FAM114A1: variants seen among roughly 807,000 people sequenced by gnomAD.
FAM114A1 encodes the protein protein NOXP20.
A neutral mutation model predicts 64.3 loss-of-function variants in FAM114A1; 62 were observed. The observed-to-expected ratio is 0.96, with a 90% CI of 0.79 to 1.19. The LOEUF is 1.19. Among genes scored for constraint, FAM114A1 ranks in the 50% most tolerant of loss-of-function variants. The pLI is 0.00. For synonymous variants in FAM114A1, 254 were observed against 251.1 expected, an observed-to-expected ratio of 1.01 and a Z score of -0.11; for missense variants, 645 against 676.3, an observed-to-expected ratio of 0.95 and a Z score of 0.51.
intron 3 of FAM114A1, among the ~76,000 whole-genome samples, chr4:38,885,441 A>C (rs1715706993): frequency 6.6e-6 from 1 of 151,016 alleles, no homozygotes; most frequent in African/African-American, 2.4e-5. Flanking sequence ...ACGCCTGGCT[A>C]ATTTTTTAAT....
Position 38,891,683 on chromosome 4 carries a change from T to G in FAM114A1, c.349-60T>G, listed in dbSNP as rs956136804. 4 of 1,405,008 alleles carry G rather than the reference T, an allele frequency of 2.8e-6. No homozygotes were observed. In the African/African-American group the frequency reaches 4.3e-5, roughly 15 times the overall value. 87.0% of individuals were successfully genotyped at this position (1,405,008 alleles called of 1,614,324 possible). A position where few individuals can be genotyped will look rare whatever the true frequency, so the allele number is the denominator to read the frequency against. The stretch of plus-strand genomic sequence containing the variant: ...CTCCTCTTTGTTTCAAACCAATAGG[T>G]GTTTTTCCATTCAGAGATATACTGA... On this transcript the variant is annotated intron_variant, in intron 3 of 14. Transcript: ENST00000358869.
intron 3 of FAM114A1, among the ~76,000 whole-genome samples, chr4:38,888,531 A>G (rs1477419053): frequency 1.3e-5 from 2 of 152,186 alleles, no homozygotes; most frequent in African/African-American, 2.4e-5. Flanking sequence ...CCTAAAAAGA[A>G]AAAAGAACTG....
chr4:38,870,624 C>A (rs1371595797), intron 2 of FAM114A1, among the ~76,000 whole-genome samples: 1 of 152,162 alleles, frequency 6.6e-6, no homozygotes, highest in Non-Finnish European at 1.5e-5. Flanking sequence ...CTGAAGCAGC[C>A]TCCTTGTTTC....
chr4:38,899,026 TA>T (rs1425135314), intron 4 of FAM114A1, among the ~76,000 whole-genome samples: 2 of 101,098 alleles, frequency 2.0e-5, no homozygotes, highest in Non-Finnish European at 4.3e-5. Context: ...ATATATATGT[TA>T]TATATATATA....
chr4:38,876,257 C>T lies in FAM114A1; in HGVS notation c.-8-1814C>T, dbSNP rs192293423. Among the ~76,000 whole-genome samples, 908 of 150,930 alleles carry T rather than the reference C, an allele frequency of 6.0e-3. 9 individuals carry two copies. The highest frequency in any genetic ancestry group is 0.021 in the African/African-American group (864 of 40,958). Reference sequence around the variant, plus strand: ...CGATCTCAGCTCACTGCAACCTCCACCCCCCAGGTTCAAGCAATTATTGTG... The same window carrying T: ...CGATCTCAGCTCACTGCAACCTCCATCCCCCAGGTTCAAGCAATTATTGTG... On this transcript the variant is annotated intron_variant, in intron 2 of 14. Transcript: ENST00000358869.
intron 14 of FAM114A1, among the ~76,000 whole-genome samples, chr4:38,942,653 C>A (rs1052679258): frequency 1.4e-4 from 21 of 152,170 alleles, no homozygotes; most frequent in Admixed American, 1.1e-3. Flanking sequence ...ATAATAATTT[C>A]AGCTATCCCA....
chr4:38,931,642 A>G, intron 11 of FAM114A1, 30 bp downstream of exon 11: 2 of 1,572,616 alleles, frequency 1.3e-6, no homozygotes, highest in Non-Finnish European at 1.7e-6. Flanking sequence ...TCTGCCTACA[A>G]GGTAATAAGA....
chr4:38,868,104 C>A, intron 1 of FAM114A1: 1 of 310,566 alleles, frequency 3.2e-6, no homozygotes. Context: ...CGCTCATGCA[C>A]ACACCCACAC....
rs763867592 is a variant in FAM114A1 at position 38,932,188 on chromosome 4, A to T, written c.1324-47A>T. On this transcript the variant is annotated intron_variant, in intron 11 of 14. Transcript: ENST00000358869. ...TAATGTCACAGCATTTTTTTAAAAA[A>T]GCATCTGCTCAGTAAAAAATTTCTT... 7 of 1,550,202 alleles carry T rather than the reference A, an allele frequency of 4.5e-6. No individual in the cohort carries two copies. In the South Asian group the frequency reaches 8.6e-5, roughly 19 times the overall value.
At chr4:38,868,021 G>T in intron 1 of FAM114A1, 187 bp downstream of exon 1, 1 of 422,340 alleles carries the variant, frequency 2.4e-6, no homozygotes, top group Non-Finnish European at 4.8e-6. Context: ...GGTCTGGGGC[G>T]GCGCGGCCGA....
chr4:38,933,127 C>T (rs1316973260), intron 12 of FAM114A1, among the ~76,000 whole-genome samples: 1 of 152,168 alleles, frequency 6.6e-6, no homozygotes, highest in Non-Finnish European at 1.5e-5. Flanking sequence ...GCTGGGATTA[C>T]AGTCGTGAGC....
intron 13 of FAM114A1, among the ~76,000 whole-genome samples, chr4:38,936,700 A>G (rs1721137391): frequency 6.6e-6 from 1 of 151,818 alleles, no homozygotes; most frequent in Admixed American, 6.6e-5. Context: ...TTACAGGCAC[A>G]CGCCACCACG....
chr4:38,945,387 A>G lies in FAM114A1; in HGVS notation c.*1830A>G, dbSNP rs1354307100. On this transcript the variant is annotated 3_prime_UTR_variant, in exon 15 of 15. Coordinates refer to ENST00000358869, the MANE Select transcript of FAM114A1 (RefSeq NM_138389.4). ...AGCTCCACGCCTTCATTGCAGCTGC[A>G]TGTTCGATACAATACACCTGCTTCA... 1 of 152,230 alleles carries G rather than the reference A, an allele frequency of 6.6e-6. No individual in the cohort carries two copies. The highest frequency in any genetic ancestry group is 1.9e-4 in the East Asian group (1 of 5,204). 9.4% of individuals were successfully genotyped at this position (152,230 alleles called of 1,614,324 possible).
chr4:38,943,883 A>G lies in FAM114A1; in HGVS notation c.*326A>G, dbSNP rs1284575418. On this transcript the variant is annotated 3_prime_UTR_variant, in exon 15 of 15. Coordinates refer to ENST00000358869, the MANE Select transcript of FAM114A1 (RefSeq NM_138389.4). The stretch of plus-strand genomic sequence containing the variant: ...TTAAGCATGCTATATTTAGAAACTC[A>G]TGGGGAGACCTTAGACTTTTGTTTA... The G allele has an allele frequency of 2.3e-5, 5 of 220,764 alleles. No individual in the cohort carries two copies. In the East Asian group the frequency reaches 4.7e-4, roughly 21 times the overall value. 13.7% of individuals were successfully genotyped at this position (220,764 alleles called of 1,614,324 possible).
In FAM114A1 at chr4:38,922,882, A is replaced by C; in HGVS notation, c.1058A>C (p.Gln353Pro). The C allele has an allele frequency of 6.2e-7, 1 of 1,610,370 alleles. No individual in the cohort carries two copies. The highest frequency in any genetic ancestry group is 1.1e-5 in the South Asian group (1 of 89,918). The change falls in exon 9 of 15, where the codon CAA (glutamine) becomes CCA (proline). Residue 353 changes from glutamine to proline, a missense_variant. Physicochemically the swap from Gln to Pro is moderately conservative, Grantham distance 76 (BLOSUM62 -1). Transcript: ENST00000358869. ...AAKELENEEN[Q>P]EEQGLEEKGE... ...AAAGAATTAGAGAATGAAGAAAATCAAGAAGAACAAGGTAAAGGAAAATAA... is the reference window on the plus strand; with the variant it reads ...AAAGAATTAGAGAATGAAGAAAATCCAGAAGAACAAGGTAAAGGAAAATAA...
intron 3 of FAM114A1, among the ~76,000 whole-genome samples, chr4:38,890,590 A>G (rs1191926473): frequency 6.6e-6 from 1 of 151,880 alleles, no homozygotes; most frequent in African/African-American, 2.4e-5. Context: ...AAGAGCTATG[A>G]TTCTCCATAC....
At chr4:38,907,217 G>A (rs1718094109) in intron 6 of FAM114A1, among the ~76,000 whole-genome samples, 1 of 152,182 alleles carries the variant, frequency 6.6e-6, no homozygotes, top group Non-Finnish European at 1.5e-5. Context: ...TAGGAGTCAA[G>A]TAGCAATACA....
At chr4:38,883,133 A>G (rs569088053) in intron 3 of FAM114A1, among the ~76,000 whole-genome samples, 1 of 152,306 alleles carries the variant, frequency 6.6e-6, no homozygotes, top group South Asian at 2.1e-4. Flanking sequence ...CTCTGCCAGC[A>G]TCATGACACA....
chr4:38,929,516 G>C (rs569788104), intron 10 of FAM114A1, among the ~76,000 whole-genome samples, 183 bp downstream of exon 10: 1 of 152,226 alleles, frequency 6.6e-6, no homozygotes, highest in Non-Finnish European at 1.5e-5. Context: ...CGTGGCTCAC[G>C]CCTATAATCC....
Sources: allele counts gnomAD v4.1 joint callset (sites outside exome capture counted in the v4.1 genomes callset), GRCh38; gene constraint gnomAD v4.1.1; transcripts MANE v1.5; gene names NCBI Gene and HGNC (gene_info 2026-07-23, HGNC 2026-07-21).